RPRD1A: variants seen among roughly 807,000 people sequenced by gnomAD.
RPRD1A encodes the protein regulation of nuclear pre-mRNA domain-containing protein 1A.
In RPRD1A, 9 loss-of-function variants were observed where a neutral mutation model predicts 37.8. The ratio of observed to expected loss-of-function variants is 0.24; its 90% CI spans 0.14 to 0.42. The LOEUF (loss-of-function observed/expected upper bound fraction) is 0.42, where lower values mean the gene tolerates loss of function less well. Ranked by LOEUF, RPRD1A falls within the 10% of genes least tolerant of loss-of-function variation. The pLI, the probability that RPRD1A is intolerant of heterozygous loss-of-function variation, is 1.00. For synonymous variants in RPRD1A, 138 were observed against 139.7 expected (o/e 0.99, Z 0.08); for missense variants, 255 against 371.0 (o/e 0.69, Z 2.57).
chr18:36,032,388 A>G (rs1277065744), intron 2 of RPRD1A, among the ~76,000 whole-genome samples: 1 of 152,198 alleles, frequency 6.6e-6, no homozygotes, highest in Non-Finnish European at 1.5e-5. Flanking sequence ...AAAAAAGGTT[A>G]ATTTAGCTTA....
chr18:36,063,093 A>G (rs1261786901), intron 1 of RPRD1A: 2 of 152,252 alleles, frequency 1.3e-5, no homozygotes, highest in Non-Finnish European at 2.9e-5. Flanking sequence ...GGAGACAAAG[A>G]TAAGGAAGGT....
chr18:36,045,462 C>T (rs1231813357), intron 1 of RPRD1A, among the ~76,000 whole-genome samples: 4 of 152,184 alleles, frequency 2.6e-5, no homozygotes, highest in Admixed American at 1.3e-4. Context: ...TACATAGTTT[C>T]TGTCTGGGAA....
At chr18:36,062,348 A>AC (rs2088932665) in intron 1 of RPRD1A, among the ~76,000 whole-genome samples, 2 of 150,440 alleles carry the variant, frequency 1.3e-5, no homozygotes, top group African/African-American at 4.9e-5. Context: ...AAAAAAAAAA[A>AC]CATGTACCCA....
intron 1 of RPRD1A, among the ~76,000 whole-genome samples, chr18:36,042,243 T>C (rs755572807): frequency 3.9e-5 from 6 of 152,210 alleles, no homozygotes; most frequent in African/African-American, 9.6e-5. Flanking sequence ...GATGCTTTCA[T>C]AGCACTCCAT....
chr18:36,025,469 T>TAA (rs1911299782), intron 6 of RPRD1A: 1 of 406,932 alleles, frequency 2.5e-6, no homozygotes, highest in Admixed American at 4.1e-5. Context: ...TTTCTACAGT[T>TAA]ACACTTCAAA....
At chr18:36,062,482 C>T (rs2088935704) in intron 1 of RPRD1A, among the ~76,000 whole-genome samples, 1 of 150,786 alleles carries the variant, frequency 6.6e-6, no homozygotes, top group Non-Finnish European at 1.5e-5. Context: ...AAAGCTTGTA[C>T]AGGAGTGCTC....
intron 4 of RPRD1A, among the ~76,000 whole-genome samples, chr18:36,029,775 A>C (rs992784749): frequency 6.6e-6 from 1 of 152,174 alleles, no homozygotes; most frequent in Non-Finnish European, 1.5e-5. Flanking sequence ...AGTTACAAAG[A>C]AATGTATGAA....
At chr18:35,998,476 T>A (rs1627493) in intron 6 of RPRD1A, among the ~76,000 whole-genome samples, 18,652 of 152,242 alleles carry the variant, frequency 0.12, 1,441 homozygotes, top group Middle Eastern at 0.27. Context: ...GAAGCCACTT[T>A]ACTTCTTCTC....
intron 1 of RPRD1A, among the ~76,000 whole-genome samples, chr18:36,047,564 C>T (rs1414581785): frequency 6.6e-6 from 1 of 152,026 alleles, no homozygotes; most frequent in Non-Finnish European, 1.5e-5. Flanking sequence ...AAGAACAATA[C>T]AACTGAAAAG....
At chr18:35,993,870 T>C (rs1568109146) in intron 6 of RPRD1A, among the ~76,000 whole-genome samples, 1 of 152,148 alleles carries the variant, frequency 6.6e-6, no homozygotes, top group Non-Finnish European at 1.5e-5. Flanking sequence ...AGTCCTGAGA[T>C]AGAGCAGGGA....
intron 1 of RPRD1A, among the ~76,000 whole-genome samples, chr18:36,055,238 G>A (rs1290967781): frequency 6.6e-6 from 1 of 152,166 alleles, no homozygotes; most frequent in African/African-American, 2.4e-5. Context: ...AATGTCTAAG[G>A]TATTTTTAAA....
At position 35,990,328 on chromosome 18, in the gene RPRD1A, A is replaced by G. The variant is rs1908648532; in HGVS notation, c.*2823T>C. On this transcript the variant is annotated 3_prime_UTR_variant, in exon 7 of 7. Coordinates refer to ENST00000399022, the MANE Select transcript of RPRD1A (RefSeq NM_018170.5). ...CATCTACAGTGATAACTGACAACTTAGTTTTGTGATTTTGCAAATCAAGAT... is the reference window on the plus strand; with the variant it reads ...CATCTACAGTGATAACTGACAACTTGGTTTTGTGATTTTGCAAATCAAGAT... The G allele has an allele frequency of 6.6e-6, 1 of 152,220 alleles. No individual in the cohort carries two copies. Among genetic ancestry groups the G allele is most frequent in the South Asian group, 2.1e-4 (1 of 4,832 alleles). 9.4% of individuals were successfully genotyped at this position (152,220 alleles called of 1,614,324 possible). A position where few individuals can be genotyped will look rare whatever the true frequency, so the allele number is the denominator to read the frequency against.
At position 36,054,877 on chromosome 18, in the gene RPRD1A, C is replaced by T. The variant is rs138180217; in HGVS notation, c.151+12377G>A. The stretch of plus-strand genomic sequence containing the variant: ...AAAAAAGAAAGAAAAAAAAAAAGTC[C>T]CAGCTCAAAGGCAGTCAGCAGAAGT... On this transcript the variant is annotated intron_variant, in intron 1 of 6. Coordinates refer to ENST00000399022, the MANE Select transcript of RPRD1A (RefSeq NM_018170.5). Among the ~76,000 whole-genome samples the T allele has an allele frequency of 3.0e-4, 46 of 152,242 alleles. 1 individual carries two copies. In the East Asian group the frequency reaches 5.4e-3, roughly 18 times the overall value.
chr18:36,002,237 T>TTCCA, intron 6 of RPRD1A, among the ~76,000 whole-genome samples: 1 of 152,342 alleles, frequency 6.6e-6, no homozygotes, highest in African/African-American at 2.4e-5. Flanking sequence ...TCCAAGCCCA[T>TTCCA]GTACATTATA....
At chr18:36,033,884 T>G in intron 1 of RPRD1A, 47 bp from the exon 2 acceptor site, 1 of 1,519,534 alleles carries the variant, frequency 6.6e-7, no homozygotes, top group East Asian at 2.3e-5. Flanking sequence ...CATCTTTACT[T>G]GGACAAACTT....
At chr18:36,004,789 G>C (rs1448368140) in intron 6 of RPRD1A, among the ~76,000 whole-genome samples, 1 of 152,192 alleles carries the variant, frequency 6.6e-6, no homozygotes, top group Non-Finnish European at 1.5e-5. Flanking sequence ...TGTAATCCCA[G>C]CTACTCAGGA....
Position 35,996,977 on chromosome 18 carries a change from C to CAAAAAAA in RPRD1A, c.790-3684_790-3678dup, listed in dbSNP as rs200694089. ...TAGGCAATAGAGTGAGACCCTGTCT[C>CAAAAAAA]AAAAAAAAAAAAAAAAAAAAAAAAA... On this transcript the variant is annotated intron_variant, in intron 6 of 6. Transcript: ENST00000399022. Among the ~76,000 whole-genome samples the CAAAAAAA allele has an allele frequency of 5.0e-3, 280 of 55,612 alleles. 11 individuals are homozygous for CAAAAAAA. The highest frequency in any genetic ancestry group is 0.02 in the African/African-American group (271 of 13,312). 36.5% of individuals were successfully genotyped at this position (55,612 alleles called of 152,430 possible).
At chr18:36,014,916 T>C (rs1910409372) in intron 6 of RPRD1A, among the ~76,000 whole-genome samples, 1 of 151,992 alleles carries the variant, frequency 6.6e-6, no homozygotes, top group African/African-American at 2.4e-5. Flanking sequence ...TACATTAGGA[T>C]AGCTACTATC....
chr18:36,025,246 G>A lies in RPRD1A; in HGVS notation c.789+1654C>T, dbSNP rs144190078. On this transcript the variant is annotated intron_variant, in intron 6 of 6. Coordinates refer to ENST00000399022, the MANE Select transcript of RPRD1A (RefSeq NM_018170.5). ...CTTAGGCAAGTTACTTAATCTTCCT[G>A]TGCCTCAGTTCTGTATCTATCAAAT... 3.4e-4 allele frequency: 54 copies of A among 156,778 alleles called. 1 individual carries two copies. The East Asian group carries it at 8.4e-3, about 24-fold the overall frequency. The allele number at this position is 156,778 out of a possible 1,614,324, so 9.7% of individuals were successfully genotyped here. A position where few individuals can be genotyped will look rare whatever the true frequency, so the allele number is the denominator to read the frequency against.
Sources: allele counts gnomAD v4.1 joint callset (sites outside exome capture counted in the v4.1 genomes callset), GRCh38; gene constraint gnomAD v4.1.1; transcripts MANE v1.5; gene names NCBI Gene and HGNC (gene_info 2026-07-23, HGNC 2026-07-21).